The following HLTF variants were observed in gnomAD, a reference collection of about 807,000 sequenced individuals.
HLTF encodes helicase like transcription factor, also known as DNA-dependent ATPase/E3 ubiquitin-protein ligase HLTF.
HLTF carries 127 observed loss-of-function variants against 129.4 expected under a neutral mutation model. The observed-to-expected ratio is 0.98, with a 90% CI of 0.85 to 1.14. The LOEUF (loss-of-function observed/expected upper bound fraction) is 1.14. Among genes scored for constraint, HLTF ranks in the 50% most tolerant of loss-of-function variants. HLTF has a pLI of 0.00. For missense variants in HLTF, 1,139 were observed against 1,187.1 expected (o/e 0.96, Z 0.60); for synonymous variants, 332 against 388.8 (o/e 0.85, Z 1.72).
intron 18 of HLTF, among the ~76,000 whole-genome samples, chr3:149,044,907 C>T (rs1023502178): frequency 3.9e-5 from 6 of 152,114 alleles, no homozygotes; most frequent in African/African-American, 1.4e-4. Context: ...GCTTTGACTG[C>T]CACTGGTCTC....
chr3:149,033,342 T>G (rs1715293589), intron 24 of HLTF, among the ~76,000 whole-genome samples: 2 of 150,536 alleles, frequency 1.3e-5, no homozygotes, highest in African/African-American at 4.9e-5. Flanking sequence ...TAAAGAAAGA[T>G]AGTTCTCGAA....
chr3:149,075,901 G>A lies in HLTF; in HGVS notation c.375C>T (p.Asn125=). Residue 125 remains asparagine (N), a synonymous_variant, in exon 3 of 25, where the codon AAC becomes AAT. Coordinates refer to ENST00000310053, the MANE Select transcript of HLTF (RefSeq NM_003071.4). ...LAGALAYIMD[N]KLAQIEGVVP... ...ATTACCCTTCAATTTGTGCCAATTT[G>A]TTGTCCATGATATAGGCCAAAGCAC... 6.3e-7 allele frequency: 1 copy of A among 1,597,650 alleles called. No individual in the cohort carries two copies. Among genetic ancestry groups the A allele is most frequent in the Non-Finnish European group, 8.5e-7 (1 of 1,173,886 alleles).
chr3:149,050,669 A>G (rs1442552934), intron 14 of HLTF, among the ~76,000 whole-genome samples: 1 of 152,218 alleles, frequency 6.6e-6, no homozygotes, highest in Non-Finnish European at 1.5e-5. Context: ...AAATATTTTA[A>G]TTAGAAGGCC....
intron 10 of HLTF, among the ~76,000 whole-genome samples, chr3:149,062,094 T>C (rs1208873468): frequency 6.6e-6 from 1 of 152,160 alleles, no homozygotes; most frequent in East Asian, 1.9e-4. Flanking sequence ...CTAATATTCT[T>C]CAATGCCTGT....
rs1714935543 is a variant in HLTF at position 149,030,648 on chromosome 3, C to T, written c.*1572G>A. 1 of 152,182 alleles carries T rather than the reference C, an allele frequency of 6.6e-6. No homozygotes were observed. The allele number at this position is 152,182 out of a possible 1,614,324, so 9.4% of individuals were successfully genotyped here. ...TTTTTTGTGTGTAATGCTTGATCTA[C>T]CAGGTAACTTCCCAACTGCTCCTAA... On this transcript the variant is annotated 3_prime_UTR_variant, in exon 25 of 25. Coordinates refer to ENST00000310053, the MANE Select transcript of HLTF (RefSeq NM_003071.4).
chr3:149,073,909 G>A (rs1031778179), intron 4 of HLTF, among the ~76,000 whole-genome samples: 15 of 152,180 alleles, frequency 9.9e-5, no homozygotes, highest in Admixed American at 7.2e-4. Flanking sequence ...TTAAAGTCAG[G>A]GGTTTCCAGA....
In HLTF at chr3:149,075,904, G is replaced by C; in HGVS notation, c.372C>G (p.Asp124Glu). Residue 124 changes from aspartate (D) to glutamate (E), a missense_variant, in exon 3 of 25, where the codon GAC (aspartate) becomes GAG (glutamate). Coordinates refer to ENST00000310053, the MANE Select transcript of HLTF (RefSeq NM_003071.4). The stretch of plus-strand genomic sequence containing the variant: ...ACCCTTCAATTTGTGCCAATTTGTT[G>C]TCCATGATATAGGCCAAAGCACCTG... ...ELAGALAYIM[D>E]NKLAQIEGVV... 1.2e-6 allele frequency: 2 copies of C among 1,600,996 alleles called. No homozygotes were observed. The highest frequency in any genetic ancestry group is 1.7e-6 in the Non-Finnish European group (2 of 1,174,792).
chr3:149,065,072 A>T (rs1467002078), intron 8 of HLTF, among the ~76,000 whole-genome samples: 1 of 152,190 alleles, frequency 6.6e-6, no homozygotes, highest in African/African-American at 2.4e-5. Flanking sequence ...ATCTCAAAAA[A>T]AAAAAAATAA....
At chr3:149,049,845 A>G (rs1259484592) in intron 15 of HLTF, among the ~76,000 whole-genome samples, 1 of 152,128 alleles carries the variant, frequency 6.6e-6, no homozygotes, top group East Asian at 1.9e-4. Flanking sequence ...AACAAAAATT[A>G]GCTGAGTGTG....
rs1718824918 is a variant in HLTF at position 149,071,170 on chromosome 3, ATC to A, written c.894+80_894+81del. The A allele has an allele frequency of 5.9e-6, 5 of 841,552 alleles. No homozygotes were observed. In the Admixed American group the frequency reaches 1.1e-4, roughly 18 times the overall value. The allele number at this position is 841,552 out of a possible 1,614,324, so 52.1% of individuals were successfully genotyped here. ...CCCAAACTGGTACCAACATATTCCT[ATC>A]TCTTTTTACTTCAAAATTACTTTCT... is the stretch of plus-strand genomic sequence containing the variant. On this transcript the variant is annotated intron_variant, in intron 7 of 24. Transcript: ENST00000310053.
At chr3:149,045,196 G>C (rs73013104) in intron 18 of HLTF, among the ~76,000 whole-genome samples, 2,050 of 151,226 alleles carry the variant, frequency 0.014, 39 homozygotes, top group African/African-American at 0.048. Context: ...TCCCAACTGG[G>C]AGCATCTACA....
chr3:149,046,393 G>A, intron 17 of HLTF, 134 bp from the exon 18 acceptor site: 1 of 528,808 alleles, frequency 1.9e-6, no homozygotes. Context: ...TCCCTTATTT[G>A]GGATTTTAAC....
chr3:149,040,203 AAT>A, intron 20 of HLTF, 47 bp from the exon 21 acceptor site: 1 of 1,543,758 alleles, frequency 6.5e-7, no homozygotes, highest in Admixed American at 2.0e-5. Flanking sequence ...CAGAAGAACA[AAT>A]ATAAATATGC....
In HLTF at chr3:149,075,918, C is replaced by T. The variant is rs201648572; in HGVS notation, c.358G>A (p.Ala120Thr). Residue 120 changes from alanine (A) to threonine (T), a missense_variant, in exon 3 of 25, where the codon GCC becomes ACC. Coordinates refer to ENST00000310053, the MANE Select transcript of HLTF (RefSeq NM_003071.4). Reference protein sequence around the residue: ...HLKKELAGALAYIMDNKLAQI... With the variant: ...HLKKELAGALTYIMDNKLAQI... ...GCCAATTTGTTGTCCATGATATAGG[C>T]CAAAGCACCTGCAAGCTCTTTCTTT... 299 of 1,608,600 alleles carry T rather than the reference C, an allele frequency of 1.9e-4. No individual in the cohort carries two copies. The highest frequency in any genetic ancestry group is 2.4e-4 in the Non-Finnish European group (287 of 1,176,496).
intron 3 of HLTF, among the ~76,000 whole-genome samples, chr3:149,074,833 A>G (rs1719209304): frequency 6.6e-6 from 1 of 152,236 alleles, no homozygotes; most frequent in Non-Finnish European, 1.5e-5. Flanking sequence ...ACCTAGGATT[A>G]TATGAATATC....
intron 17 of HLTF, 47 bp downstream of exon 17, chr3:149,047,981 T>C (rs1553739208): frequency 2.0e-6 from 3 of 1,484,734 alleles, no homozygotes; most frequent in Non-Finnish European, 2.7e-6. Flanking sequence ...TTCAAGCTAC[T>C]AACAGTTATT....
intron 2 of HLTF, among the ~76,000 whole-genome samples, 197 bp from the exon 3 acceptor site, chr3:149,076,244 A>G (rs1719344785): frequency 6.6e-6 from 1 of 152,138 alleles, no homozygotes; most frequent in African/African-American, 2.4e-5. Flanking sequence ...TTTCTAATCT[A>G]TATTCATTAG....
chr3:149,040,291 A>G, intron 20 of HLTF, 135 bp from the exon 21 acceptor site: 1 of 744,180 alleles, frequency 1.3e-6, no homozygotes, highest in Non-Finnish European at 2.2e-6. Flanking sequence ...AATGGATTTC[A>G]TCCATTTAAG....
At chr3:149,044,510 C>T (rs1716379138) in intron 18 of HLTF, among the ~76,000 whole-genome samples, 1 of 152,108 alleles carries the variant, frequency 6.6e-6, no homozygotes, top group Middle Eastern at 3.2e-3. Context: ...AGATCTCTTT[C>T]ACTTTACTCA....
Sources: allele counts gnomAD v4.1 joint callset (sites outside exome capture counted in the v4.1 genomes callset), GRCh38; gene constraint gnomAD v4.1.1; transcripts MANE v1.5; gene names NCBI Gene and HGNC (gene_info 2026-07-23, HGNC 2026-07-21).